IGF1R: variants seen among roughly 807,000 people sequenced by gnomAD.
IGF1R encodes the protein insulin-like growth factor 1 receptor.
A neutral mutation model predicts 144.6 loss-of-function variants in IGF1R; 44 were observed. The observed-to-expected ratio is 0.30, with a 90% CI of 0.24 to 0.39. The LOEUF is 0.39. Ranked by LOEUF, IGF1R falls within the 10% of genes least tolerant of loss-of-function variation. The pLI, the probability that IGF1R is intolerant of heterozygous loss-of-function variation, is 1.00. For synonymous variants in IGF1R, 795 were observed against 722.8 expected (o/e 1.10, Z -1.60); for missense variants, 1,355 against 1,833.7 (o/e 0.74, Z 4.77).
intron 1 of IGF1R, among the ~76,000 whole-genome samples, chr15:98,680,692 A>G (rs2053165111): frequency 6.6e-6 from 1 of 152,082 alleles, no homozygotes; most frequent in Admixed American, 6.5e-5. Flanking sequence ...ACCCTCCCCA[A>G]GTAGCTAGAA....
chr15:98,807,408 T>C (rs920137246), intron 2 of IGF1R, among the ~76,000 whole-genome samples: 17 of 152,256 alleles, frequency 1.1e-4, no homozygotes, highest in African/African-American at 4.1e-4. Flanking sequence ...CTTTCCTTGT[T>C]GTGCAACATT....
chr15:98,874,806 G>T (rs2012971165), intron 2 of IGF1R, among the ~76,000 whole-genome samples: 1 of 152,234 alleles, frequency 6.6e-6, no homozygotes, highest in African/African-American at 2.4e-5. Flanking sequence ...TAGCTTGGGG[G>T]TGGGGAGTCG....
chr15:98,683,436 C>T lies in IGF1R; in HGVS notation c.95-24126C>T, dbSNP rs370527372. On this transcript the variant is annotated intron_variant, in intron 1 of 20. Coordinates refer to ENST00000650285, the MANE Select transcript of IGF1R (RefSeq NM_000875.5). ...TTCTGCTCGGAAGGCCAGGAAGTTGCTGGAAGTCTGCTGGGCTTTGCAAAG... is the reference window on the plus strand; with the variant it reads ...TTCTGCTCGGAAGGCCAGGAAGTTGTTGGAAGTCTGCTGGGCTTTGCAAAG... Among the ~76,000 whole-genome samples the T allele has an allele frequency of 3.3e-5, 5 of 152,306 alleles. No homozygotes were observed. The East Asian group carries it at 9.7e-4, about 29-fold the overall frequency.
intron 2 of IGF1R, among the ~76,000 whole-genome samples, chr15:98,865,825 G>A (rs1225134177): frequency 6.6e-6 from 1 of 152,098 alleles, no homozygotes; most frequent in Non-Finnish European, 1.5e-5. Flanking sequence ...ATTTTATGTT[G>A]GAAGGAAATC....
intron 2 of IGF1R, among the ~76,000 whole-genome samples, chr15:98,824,529 A>C (rs2056857275): frequency 6.6e-6 from 1 of 152,046 alleles, no homozygotes; most frequent in East Asian, 1.9e-4. Flanking sequence ...TGAAGTCCTA[A>C]CCATTAGACT....
intron 2 of IGF1R, among the ~76,000 whole-genome samples, chr15:98,885,870 A>G (rs1169768324): frequency 2.0e-5 from 3 of 148,792 alleles, no homozygotes; most frequent in Non-Finnish European, 4.4e-5. Context: ...AGGCTGGAGT[A>G]AAATGGTGCA....
In IGF1R at chr15:98,671,239, GTA is replaced by G. The variant is rs200230711; in HGVS notation, c.94+21567_94+21568del. On this transcript the variant is annotated intron_variant, in intron 1 of 20. Coordinates refer to ENST00000650285, the MANE Select transcript of IGF1R (RefSeq NM_000875.5). Reference sequence around the variant, plus strand: ...TTTACTTAGACTTAGCAAAAATCAGGTATAGTCTTTCCTGAAAACAAAAGTGA... The same window carrying G: ...TTTACTTAGACTTAGCAAAAATCAGGTAGTCTTTCCTGAAAACAAAAGTGA... Among the ~76,000 whole-genome samples the G allele has an allele frequency of 7.4e-3, 1,133 of 152,262 alleles. 15 individuals are homozygous for G. The highest frequency in any genetic ancestry group is 0.025 in the African/African-American group (1,042 of 41,538).
intron 2 of IGF1R, among the ~76,000 whole-genome samples, chr15:98,787,931 T>TG (rs1192241695): frequency 6.6e-6 from 1 of 151,780 alleles, no homozygotes; most frequent in African/African-American, 2.4e-5. Context: ...AAAAGAGAAA[T>TG]GGGGGTGATG....
intron 1 of IGF1R, among the ~76,000 whole-genome samples, chr15:98,695,720 C>G (rs1269617343): frequency 1.3e-5 from 2 of 152,218 alleles, no homozygotes; most frequent in South Asian, 2.1e-4. Context: ...TCAAATGAAT[C>G]CTACTGTCTG....
At chr15:98,672,300 C>G (rs2052913091) in intron 1 of IGF1R, among the ~76,000 whole-genome samples, 1 of 152,186 alleles carries the variant, frequency 6.6e-6, no homozygotes, top group Non-Finnish European at 1.5e-5. Context: ...TGCCATGGCT[C>G]ACGCCTGTAA....
intron 1 of IGF1R, among the ~76,000 whole-genome samples, chr15:98,699,700 C>T (rs147016202): frequency 6.6e-6 from 1 of 152,132 alleles, no homozygotes; most frequent in Admixed American, 6.5e-5. Context: ...AAACATCTCA[C>T]CCATCTTAGT....
chr15:98,909,472 T>C (rs547090018), intron 6 of IGF1R, among the ~76,000 whole-genome samples: 3 of 152,206 alleles, frequency 2.0e-5, no homozygotes, highest in Admixed American at 2.0e-4. Flanking sequence ...TTGGCCAGGC[T>C]GGCCTCAAAC....
rs1038359761 is a variant in IGF1R, at chr15:98,958,661, C to G, written c.*1219C>G. 1 of 231,190 alleles carries G rather than the reference C, an allele frequency of 4.3e-6. No homozygotes were observed. The highest frequency in any genetic ancestry group is 8.6e-6 in the Non-Finnish European group (1 of 116,772). 14.3% of individuals were successfully genotyped at this position (231,190 alleles called of 1,614,324 possible). A position where few individuals can be genotyped will look rare whatever the true frequency, so the allele number is the denominator to read the frequency against. On this transcript the variant is annotated 3_prime_UTR_variant, in exon 21 of 21. Coordinates refer to ENST00000650285, the MANE Select transcript of IGF1R (RefSeq NM_000875.5). ...ATCGTCTTTAATGTCACTTTTATAA[C>G]TTTTTTACGGTTCAGATATTCATCT...
chr15:98,658,875 C>G (rs920593131), intron 1 of IGF1R, among the ~76,000 whole-genome samples: 1 of 152,188 alleles, frequency 6.6e-6, no homozygotes, highest in African/African-American at 2.4e-5. Context: ...TAGCTAAGCT[C>G]TCAGGCAAAT....
At chr15:98,795,581 A>AT (rs1172005583) in intron 2 of IGF1R, among the ~76,000 whole-genome samples, 3 of 151,838 alleles carry the variant, frequency 2.0e-5, no homozygotes, top group East Asian at 1.9e-4. Context: ...CCCCTGGTTA[A>AT]TTTTTTTTGT....
Position 98,922,273 on chromosome 15 carries a change from C to T in IGF1R, c.2327C>T (p.Pro776Leu), listed in dbSNP as rs2151690933. The change falls in exon 11 of 21, where the codon CCT (proline) becomes CTT (leucine). Residue 776 changes from proline (P) to leucine (L), a missense_variant. Around this residue, in one of 7 missense-constraint regions of IGF1R, gnomAD observed 880 missense variants for 1,202.7 expected, o/e 0.73. Coordinates refer to ENST00000650285, the MANE Select transcript of IGF1R (RefSeq NM_000875.5). Reference protein sequence around the residue: ...TDPEELETEYPFFESRVDNKE... With the variant: ...TDPEELETEYLFFESRVDNKE... ...CCGGAAGAGCTGGAGACAGAGTACC[C>T]TTTCTTTGAGAGCAGAGTGGATAAC... The T allele has an allele frequency of 1.2e-6, 2 of 1,614,154 alleles. No homozygotes were observed. The highest frequency in any genetic ancestry group is 2.2e-5 in the East Asian group (1 of 44,882).
chr15:98,943,102 CT>C, intron 19 of IGF1R, 50 bp downstream of exon 19: 1 of 1,606,350 alleles, frequency 6.2e-7, no homozygotes, highest in Non-Finnish European at 8.5e-7. Flanking sequence ...AGCCTCTGCA[CT>C]TTCCACCAGC....
Position 98,960,857 on chromosome 15 carries a change from CT to C in IGF1R, c.*3417del, listed in dbSNP as rs2017196685. On this transcript the variant is annotated 3_prime_UTR_variant, in exon 21 of 21. Transcript: ENST00000650285. ...AGGGGTAGACAGAGATGTACCAAAC[CT>C]TCCGGCTGGAAAGCCCAGTGGCCGG... is the stretch of plus-strand genomic sequence containing the variant. 4.3e-6 allele frequency: 1 copy of C among 233,844 alleles called. No individual in the cohort carries two copies. Among genetic ancestry groups the C allele is most frequent in the Non-Finnish European group, 8.5e-6 (1 of 118,228 alleles). 14.5% of individuals were successfully genotyped at this position (233,844 alleles called of 1,614,324 possible). A position where few individuals can be genotyped will look rare whatever the true frequency, so the allele number is the denominator to read the frequency against.
At chr15:98,872,663 G>A (rs558603216) in intron 2 of IGF1R, among the ~76,000 whole-genome samples, 2 of 152,190 alleles carry the variant, frequency 1.3e-5, no homozygotes, top group Non-Finnish European at 2.9e-5. Context: ...AGGAAAACAA[G>A]TCCCTCTGAT....
Sources: gnomAD v4.1 joint callset for allele counts (sites outside exome capture counted in the v4.1 genomes callset) on GRCh38, gnomAD v4.1.1 for gene constraint, gnomAD v4.1.1 regional missense constraint, MANE v1.5 for transcripts, NCBI Gene and HGNC (gene_info 2026-07-23, HGNC 2026-07-21) for gene names.